ALDH2: variants seen among roughly 807,000 people sequenced by gnomAD.
The protein encoded by ALDH2 is aldehyde dehydrogenase 2 family member.
A neutral mutation model predicts 59.6 loss-of-function variants in ALDH2; 44 were observed. The observed-to-expected ratio is 0.74, with a 90% CI of 0.58 to 0.95. The LOEUF is 0.95. Ranked by LOEUF, ALDH2 falls within the 40% of genes least tolerant of loss-of-function variation. ALDH2 has a pLI of 0.00. For missense variants in ALDH2, 570 were observed against 696.3 expected (o/e 0.82, Z 2.04); for synonymous variants, 291 against 284.0 (o/e 1.02, Z -0.25).
chr12:111,798,005 A>G (rs1409311847), intron 9 of ALDH2, 73 bp from the exon 10 acceptor site: 4 of 1,579,362 alleles, frequency 2.5e-6, no homozygotes, highest in Non-Finnish European at 3.5e-6. Flanking sequence ...TGTTGCCTGC[A>G]TAATTCTAAG....
chr12:111,777,392 G>C (rs979336538), intron 1 of ALDH2, among the ~76,000 whole-genome samples: 1 of 152,126 alleles, frequency 6.6e-6, no homozygotes. Context: ...CTCCCTGGGT[G>C]GGGGAGGAAG....
intron 12 of ALDH2, among the ~76,000 whole-genome samples, chr12:111,806,910 A>C (rs542827797): frequency 6.6e-6 from 1 of 151,884 alleles, no homozygotes; most frequent in South Asian, 2.1e-4. Context: ...TGGAGGTTGC[A>C]GTGAGCTGAG....
At chr12:111,799,852 G>T in intron 10 of ALDH2, 54 bp from the exon 11 acceptor site, 1 of 1,573,264 alleles carries the variant, frequency 6.4e-7, no homozygotes, top group Admixed American at 1.7e-5. Flanking sequence ...GAGAGAGCTC[G>T]ATGGCAGGTG....
At chr12:111,802,074 G>A (rs770602265) in intron 11 of ALDH2, among the ~76,000 whole-genome samples, 41 of 152,014 alleles carry the variant, frequency 2.7e-4, no homozygotes, top group Non-Finnish European at 5.4e-4. Context: ...CCAATGTGGT[G>A]AAACCCCGTC....
At position 111,783,275 on chromosome 12, in the gene ALDH2, G is replaced by A. The variant is rs755761896; in HGVS notation, c.337G>A (p.Glu113Lys). The A allele has an allele frequency of 7.4e-5, 120 of 1,611,658 alleles. No homozygotes were observed. The highest frequency in any genetic ancestry group is 9.5e-5 in the Non-Finnish European group (112 of 1,178,676). ...GCTGAACCGCCTGGCCGATCTGATC[G>A]AGCGGGACCGGACCTACCTGGCGGT... is the stretch of plus-strand genomic sequence containing the variant. ...RLLNRLADLI[E>K]RDRTYLAALE... Residue 113 changes from glutamate to lysine, a missense_variant, in exon 3 of 13, where the codon GAG becomes AAG. Glu to Lys is a moderately conservative substitution (Grantham distance 56). Coordinates refer to ENST00000261733, the MANE Select transcript of ALDH2 (RefSeq NM_000690.4).
chr12:111,786,850 A>G (rs1184182343), intron 4 of ALDH2, among the ~76,000 whole-genome samples: 1 of 152,126 alleles, frequency 6.6e-6, no homozygotes, highest in Non-Finnish European at 1.5e-5. Flanking sequence ...CCCAGCAAAC[A>G]TAAACATTTC....
At position 111,782,020 on chromosome 12, in the gene ALDH2, A is replaced by G. The variant is rs904582951; in HGVS notation, c.217A>G (p.Lys73Glu). The change falls in exon 2 of 13, where the codon AAG (lysine) becomes GAG (glutamate). Residue 73 changes from lysine (K) to glutamate (E), a missense_variant and splice_region_variant. Coordinates refer to ENST00000261733, the MANE Select transcript of ALDH2 (RefSeq NM_000690.4). ...EVICQVAEGD[K>E]EDVDKAVKAA... ...CATCTGTCAGGTAGCTGAAGGGGAC[A>G]AGGTGAGAACTGGTGACTTACCTTG... 6.2e-6 allele frequency: 10 copies of G among 1,612,896 alleles called. No individual in the cohort carries two copies. Among genetic ancestry groups the G allele is most frequent in the Non-Finnish European group, 7.6e-6 (9 of 1,178,948 alleles).
chr12:111,781,945 G>A lies in ALDH2; in HGVS notation c.142G>A (p.Ala48Thr). ...TTTCATAAACAATGAATGGCACGAT[G>A]CCGTCAGCAGGAAAACATTCCCCAC... The part of the protein sequence containing the change: ...QIFINNEWHD[A>T]VSRKTFPTVN... The change falls in exon 2 of 13, where the codon GCC becomes ACC. Residue 48 changes from alanine (A) to threonine (T), a missense_variant. Physicochemically the swap from Ala to Thr is moderately conservative, Grantham distance 58. Coordinates refer to ENST00000261733, the MANE Select transcript of ALDH2 (RefSeq NM_000690.4). 6.2e-7 allele frequency: 1 copy of A among 1,613,658 alleles called. No individual in the cohort carries two copies. The highest frequency in any genetic ancestry group is 8.5e-7 in the Non-Finnish European group (1 of 1,179,726).
rs1427737970 is a variant in ALDH2 at position 111,791,384 on chromosome 12, G to C, written c.760G>C (p.Asp254His). Residue 254 changes from aspartate (D) to histidine (H), a missense_variant, in exon 7 of 13, where the codon GAT (aspartate) becomes CAT (histidine). Asp to His is a moderately conservative substitution (Grantham distance 81, BLOSUM62 -1). Transcript: ENST00000261733. ...TAGAAIASHE[D>H]VDKVAFTGST... is the part of the protein sequence containing the mutation. Reference sequence around the variant, plus strand: ...TGGGGCCGCCATTGCCTCCCATGAGGATGTGGACAAAGTGGCATTCACAGG... The same window carrying C: ...TGGGGCCGCCATTGCCTCCCATGAGCATGTGGACAAAGTGGCATTCACAGG... The C allele has an allele frequency of 6.2e-7, 1 of 1,614,110 alleles. No individual in the cohort carries two copies. The highest frequency in any genetic ancestry group is 8.5e-7 in the Non-Finnish European group (1 of 1,179,974).
At chr12:111,797,023 G>A (rs1205489611) in intron 9 of ALDH2, among the ~76,000 whole-genome samples, 1 of 150,394 alleles carries the variant, frequency 6.6e-6, no homozygotes, top group African/African-American at 2.5e-5. Context: ...GCAATAGCGC[G>A]ATCTTGGCTT....
chr12:111,781,151 C>G (rs186190096), intron 1 of ALDH2, among the ~76,000 whole-genome samples: 6 of 152,074 alleles, frequency 3.9e-5, no homozygotes, highest in Non-Finnish European at 5.9e-5. Context: ...TAATTTAGTT[C>G]TCACAACAAA....
rs2068301933 is a variant in ALDH2 at position 111,785,340 on chromosome 12, G to A, written c.434G>A (p.Cys145Tyr). 1 of 1,613,604 alleles carries A rather than the reference G, an allele frequency of 6.2e-7. No homozygotes were observed. The highest frequency in any genetic ancestry group is 8.5e-7 in the Non-Finnish European group (1 of 1,179,504). The change falls in exon 4 of 13, where the codon TGT (cysteine) becomes TAT (tyrosine). Residue 145 changes from cysteine (C) to tyrosine (Y), a missense_variant. Cys to Tyr is a radical substitution (Grantham distance 194, BLOSUM62 -2). Transcript: ENST00000261733. ...YLVDLDMVLK[C>Y]LRYYAGWADK... Reference sequence around the variant, plus strand: ...GTGGATTTGGACATGGTCCTCAAATGTCTCCGGTATGGGCTCAGCTTTCCT... The same window carrying A: ...GTGGATTTGGACATGGTCCTCAAATATCTCCGGTATGGGCTCAGCTTTCCT...
At chr12:111,791,933 A>G in intron 7 of ALDH2, 128 bp from the exon 8 acceptor site, 1 of 684,986 alleles carries the variant, frequency 1.5e-6, no homozygotes, top group Non-Finnish European at 2.6e-6. Flanking sequence ...CTATTTGGTG[A>G]AATTCTCTAG....
chr12:111,800,253 G>C (rs2068440452), intron 11 of ALDH2, among the ~76,000 whole-genome samples, 190 bp downstream of exon 11: 1 of 152,158 alleles, frequency 6.6e-6, no homozygotes, highest in Admixed American at 6.5e-5. Context: ...GTGGTGCAAA[G>C]GCCCTGCACC....
chr12:111,810,328 C>T lies in ALDH2; in HGVS notation c.*753C>T, dbSNP rs1692882582. On this transcript the variant is annotated 3_prime_UTR_variant, in exon 13 of 13. Coordinates refer to ENST00000261733, the MANE Select transcript of ALDH2 (RefSeq NM_000690.4). ...CAAAAAAAGTAAATAAATGAAATAG[C>T]CTAAGGAAATGCTGGCAGGCAGTAA... 6.6e-6 allele frequency: 1 copy of T among 152,130 alleles called. No individual in the cohort carries two copies. Among genetic ancestry groups the T allele is most frequent in the Non-Finnish European group, 1.5e-5 (1 of 68,060 alleles). The allele number at this position is 152,130 out of a possible 1,614,324, so 9.4% of individuals were successfully genotyped here. A position where few individuals can be genotyped will look rare whatever the true frequency, so the allele number is the denominator to read the frequency against.
intron 1 of ALDH2, chr12:111,775,672 T>A: frequency 2.2e-6 from 1 of 455,882 alleles, no homozygotes; most frequent in African/African-American, 2.0e-5. Flanking sequence ...AAGTGGGAGC[T>A]AGGACATCCC....
chr12:111,804,356 G>A (rs992349657), intron 12 of ALDH2, among the ~76,000 whole-genome samples: 4 of 152,172 alleles, frequency 2.6e-5, no homozygotes, highest in Non-Finnish European at 4.4e-5. Flanking sequence ...TTCGTTATAC[G>A]CCAAGGCCTG....
chr12:111,785,156 C>A, intron 3 of ALDH2, 111 bp from the exon 4 acceptor site: 1 of 845,412 alleles, frequency 1.2e-6, no homozygotes, highest in Non-Finnish European at 2.1e-6. Flanking sequence ...CGGACTCTCA[C>A]CCTGGGCTTG....
intron 1 of ALDH2, among the ~76,000 whole-genome samples, chr12:111,780,410 G>A (rs2068263311): frequency 6.6e-6 from 1 of 152,102 alleles, no homozygotes; most frequent in South Asian, 2.1e-4. Flanking sequence ...TTCCTTTCTG[G>A]TTCACCAGTA....
Sources: allele counts gnomAD v4.1 joint callset (sites outside exome capture counted in the v4.1 genomes callset), GRCh38; gene constraint gnomAD v4.1.1; transcripts MANE v1.5; gene names NCBI Gene and HGNC (gene_info 2026-07-23, HGNC 2026-07-21).